The following BBS9 variants were observed in gnomAD, a reference collection of about 807,000 sequenced individuals.
The protein encoded by BBS9 is protein PTHB1.
In BBS9, 89 loss-of-function variants were observed where a neutral mutation model predicts 117.7. The observed-to-expected ratio is 0.76, with a 90% CI of 0.64 to 0.90. BBS9 has a LOEUF of 0.90. Ranked by LOEUF, BBS9 falls within the 40% of genes least tolerant of loss-of-function variation. The pLI is 0.00. For synonymous variants in BBS9, 379 were observed against 370.9 expected (o/e 1.02, Z -0.25); for missense variants, 982 against 1,042.2 (o/e 0.94, Z 0.80).
intron 7 of BBS9, among the ~76,000 whole-genome samples, chr7:33,270,021 C>CAAAAAAA (rs148600222): frequency 1.6e-5 from 2 of 124,776 alleles, no homozygotes; most frequent in African/African-American, 6.0e-5. Flanking sequence ...GACTCTGTCT[C>CAAAAAAA]AAAAAAAAAA....
chr7:33,404,753 A>G (rs969116127), intron 19 of BBS9, among the ~76,000 whole-genome samples: 3 of 151,884 alleles, frequency 2.0e-5, no homozygotes, highest in Non-Finnish European at 2.9e-5. Flanking sequence ...GGCTGAGACA[A>G]TGGGGTTTTC....
chr7:33,375,691 A>G (rs572527460), intron 17 of BBS9, among the ~76,000 whole-genome samples: 2 of 151,128 alleles, frequency 1.3e-5, no homozygotes, highest in Non-Finnish European at 3.0e-5. Context: ...TCCCAGTTCA[A>G]CTGATTCTCT....
At chr7:33,273,713 A>G in intron 8 of BBS9, 114 bp from the exon 9 acceptor site, 4 of 905,512 alleles carry the variant, frequency 4.4e-6, no homozygotes, top group Non-Finnish European at 6.8e-6. Flanking sequence ...TAAAATCTTT[A>G]TGTATTAAAA....
At chr7:33,509,115 T>A (rs1846551439) in intron 20 of BBS9, among the ~76,000 whole-genome samples, 1 of 152,198 alleles carries the variant, frequency 6.6e-6, no homozygotes, top group African/African-American at 2.4e-5. Context: ...GACAAAACAT[T>A]TGATAAAAAC....
At chr7:33,626,227 C>T (rs925473367) in intron 21 of BBS9, among the ~76,000 whole-genome samples, 1 of 152,210 alleles carries the variant, frequency 6.6e-6, no homozygotes, top group Non-Finnish European at 1.5e-5. Context: ...GGTTCCCCTT[C>T]ACCTTCCGCT....
chr7:33,287,153 G>A (rs750887292), intron 9 of BBS9, among the ~76,000 whole-genome samples: 23 of 152,238 alleles, frequency 1.5e-4, no homozygotes, highest in Middle Eastern at 6.8e-3. Flanking sequence ...TATGGTATAG[G>A]ATGTTGGGTG....
At chr7:33,152,193 C>T (rs764638625) in intron 2 of BBS9, among the ~76,000 whole-genome samples, 11 of 152,128 alleles carry the variant, frequency 7.2e-5, no homozygotes, top group Non-Finnish European at 1.6e-4. Flanking sequence ...TTTAACGTAT[C>T]TTTTTTTGGG....
intron 9 of BBS9, among the ~76,000 whole-genome samples, chr7:33,326,316 G>A (rs1812834140): frequency 7.0e-6 from 1 of 143,200 alleles, no homozygotes. Context: ...TCTGGCTACC[G>A]CTGATGTTCA....
Position 33,552,511 on chromosome 7 carries a change from A to G in BBS9, c.2521+18335A>G, listed in dbSNP as rs78437067. Among the ~76,000 whole-genome samples, 1,023 of 152,210 alleles carry G rather than the reference A, an allele frequency of 6.7e-3. 2 individuals carry two copies. Among genetic ancestry groups the G allele is most frequent in the Non-Finnish European group, 0.012 (830 of 67,988 alleles). On this transcript the variant is annotated intron_variant, in intron 21 of 22. Coordinates refer to ENST00000242067, the MANE Select transcript of BBS9 (RefSeq NM_198428.3). ...CTTGTCAGTTTTCAGCCCTGAGTCA[A>G]TCTTTGGCTTTTCTTAGATCAACTC...
In BBS9 at chr7:33,546,169, G is replaced by A. The variant is rs570168281; in HGVS notation, c.2521+11993G>A. On this transcript the variant is annotated intron_variant, in intron 21 of 22. Coordinates refer to ENST00000242067, the MANE Select transcript of BBS9 (RefSeq NM_198428.3). ...AGGATGGTCTTGATCTTCTGACCTC[G>A]TGATCCGCCCACCTCGGCCTCCCAA... Among the ~76,000 whole-genome samples the A allele has an allele frequency of 4.9e-4, 74 of 152,028 alleles. 1 individual carries two copies. Among genetic ancestry groups the A allele is most frequent in the Non-Finnish European group, 8.2e-4 (56 of 67,964 alleles).
At chr7:33,379,441 A>G (rs1396424614) in intron 17 of BBS9, among the ~76,000 whole-genome samples, 1 of 152,138 alleles carries the variant, frequency 6.6e-6, no homozygotes, top group Non-Finnish European at 1.5e-5. Flanking sequence ...TATTCTTTGT[A>G]TATATTTAGG....
At chr7:33,447,409 A>G (rs1424002444) in intron 19 of BBS9, among the ~76,000 whole-genome samples, 1 of 152,214 alleles carries the variant, frequency 6.6e-6, no homozygotes, top group Non-Finnish European at 1.5e-5. Context: ...GCAGTACTTA[A>G]TACATTAAGT....
At chr7:33,545,505 G>A (rs1157479978) in intron 21 of BBS9, among the ~76,000 whole-genome samples, 1 of 152,116 alleles carries the variant, frequency 6.6e-6, no homozygotes, top group East Asian at 1.9e-4. Flanking sequence ...CGGGACAGGA[G>A]GGTCTCCCTT....
At chr7:33,243,765 G>A (rs1299677511) in intron 5 of BBS9, among the ~76,000 whole-genome samples, 1 of 152,096 alleles carries the variant, frequency 6.6e-6, no homozygotes, top group East Asian at 1.9e-4. Context: ...GTTTTGGATG[G>A]TCTTAAGATA....
At chr7:33,342,851 C>T (rs778999006) in intron 11 of BBS9, among the ~76,000 whole-genome samples, 33 of 152,162 alleles carry the variant, frequency 2.2e-4, no homozygotes, top group Non-Finnish European at 3.8e-4. Flanking sequence ...CTGTGGATAG[C>T]TAAATGTAAA....
At chr7:33,324,392 TTTA>T (rs1812398435) in intron 9 of BBS9, among the ~76,000 whole-genome samples, 1 of 152,136 alleles carries the variant, frequency 6.6e-6, no homozygotes, top group Non-Finnish European at 1.5e-5. Context: ...CTTTTTAACT[TTTA>T]TTGTTTCTCT....
chr7:33,264,285 T>C lies in BBS9; in HGVS notation c.618-5T>C. The C allele has an allele frequency of 6.8e-7, 1 of 1,480,506 alleles. No individual in the cohort carries two copies. The highest frequency in any genetic ancestry group is 9.0e-7 in the Non-Finnish European group (1 of 1,107,274). The allele number at this position is 1,480,506 out of a possible 1,614,324, so 91.7% of individuals were successfully genotyped here. Reference sequence around the variant, plus strand: ...TTTATAATTTTTTAAATTTCTTTCATACAGGTACCAGGTACTTGCTTTTGC... The same window carrying C: ...TTTATAATTTTTTAAATTTCTTTCACACAGGTACCAGGTACTTGCTTTTGC... On this transcript the variant is annotated splice_polypyrimidine_tract_variant and splice_region_variant and intron_variant, in intron 6 of 22. Transcript: ENST00000242067.
Position 33,227,692 on chromosome 7 carries a change from A to T in BBS9, c.443-29544A>T, listed in dbSNP as rs148222132. On this transcript the variant is annotated intron_variant, in intron 5 of 22. Transcript: ENST00000242067. ...CCTCATAACTTAGCTCCCACTTATG[A>T]GTGACAACATACGATATTTGGTTTT... 1.2e-4 allele frequency among the ~76,000 whole-genome samples: 18 copies of T among 152,234 alleles called. No individual in the cohort carries two copies. In the East Asian group the frequency reaches 3.1e-3, roughly 26 times the overall value.
Position 33,303,963 on chromosome 7 carries a change from C to T in BBS9, c.1016+30007C>T, listed in dbSNP as rs552237852. 2.8e-3 allele frequency among the ~76,000 whole-genome samples: 421 copies of T among 150,266 alleles called. 1 individual carries two copies. Among genetic ancestry groups the T allele is most frequent in the Non-Finnish European group, 4.6e-3 (310 of 67,488 alleles). On this transcript the variant is annotated intron_variant, in intron 9 of 22. Transcript: ENST00000242067. ...GAAGTGAGGAGTGTCTCTGCCTGGC[C>T]GCCCATCCTCTGGGATGTGAGGAGC...
Sources: allele counts gnomAD v4.1 joint callset (sites outside exome capture counted in the v4.1 genomes callset), GRCh38; gene constraint gnomAD v4.1.1; transcripts MANE v1.5; gene names NCBI Gene and HGNC (gene_info 2026-07-23, HGNC 2026-07-21).